MYH15: variants seen among roughly 807,000 people sequenced by gnomAD.
MYH15 encodes myosin heavy chain 15.
Under a neutral mutation model 240.5 loss-of-function variants are expected in MYH15, and 227 were observed. The ratio of observed to expected loss-of-function variants is 0.94; its 90% CI spans 0.85 to 1.05. The LOEUF (loss-of-function observed/expected upper bound fraction) is 1.05. Ranked by LOEUF, MYH15 falls within the 50% of genes least tolerant of loss-of-function variation. The probability of loss-of-function intolerance (pLI) is 0.00; values close to 1 mark genes in which losing one functional copy is unlikely to be tolerated. For synonymous variants in MYH15, 785 were observed against 796.7 expected (o/e 0.99, Z 0.25); for missense variants, 2,217 against 2,247.5 (o/e 0.99, Z 0.27).
chr3:108,495,850 A>C lies in MYH15; in HGVS notation c.641T>G (p.Met214Arg). The change falls in exon 7 of 41, where the codon ATG becomes AGG. Residue 214 changes from methionine to arginine, a missense_variant. Physicochemically the swap from Met to Arg is moderately conservative, Grantham distance 91. Transcript: ENST00000693548. ...KKQGALEDQI[M>R]QANTILEAFG... Reference sequence around the variant, plus strand: ...TGCTTCCAAGATAGTATTCGCTTGCATGATTTGATCTTCTAACGCCCCCTG... The same window carrying C: ...TGCTTCCAAGATAGTATTCGCTTGCCTGATTTGATCTTCTAACGCCCCCTG... 3.1e-6 allele frequency: 5 copies of C among 1,611,530 alleles called. No individual in the cohort carries two copies. Among genetic ancestry groups the C allele is most frequent in the Non-Finnish European group, 4.2e-6 (5 of 1,178,952 alleles).
chr3:108,395,223 T>C (rs2082451011), intron 35 of MYH15, among the ~76,000 whole-genome samples: 1 of 152,106 alleles, frequency 6.6e-6, no homozygotes, highest in South Asian at 2.1e-4. Flanking sequence ...GAACCGAGAT[T>C]GCACCATTGC....
chr3:108,387,777 T>C (rs1271119511), intron 38 of MYH15, among the ~76,000 whole-genome samples: 8 of 152,222 alleles, frequency 5.3e-5, no homozygotes, highest in Non-Finnish European at 1.0e-4. Context: ...ATACCTAGCA[T>C]GGTCTAAAGA....
chr3:108,465,240 GAAC>G (rs1451583996), intron 14 of MYH15, among the ~76,000 whole-genome samples: 2 of 152,198 alleles, frequency 1.3e-5, no homozygotes, highest in Non-Finnish European at 2.9e-5. Flanking sequence ...TCCTGAATGA[GAAC>G]AACAAGCTGA....
At chr3:108,430,252 A>G (rs1019348673) in intron 26 of MYH15, among the ~76,000 whole-genome samples, 7 of 152,220 alleles carry the variant, frequency 4.6e-5, no homozygotes, top group Non-Finnish European at 8.8e-5. Context: ...TCAAAGGGAA[A>G]TTATCCATCT....
chr3:108,486,525 G>A lies in MYH15; in HGVS notation c.873C>T (p.Asp291=). ...AGGGATTTGCAGATACCAGGAGCAG[G>A]TCTAGAGTGGGAAAACGATTCGTTA... ...QILSGQKELH[D]LLLVSANPSD... Residue 291 remains aspartate (D), a splice_region_variant and synonymous_variant, in exon 10 of 41, where the codon GAC becomes GAT. Transcript: ENST00000693548. The A allele has an allele frequency of 6.2e-7, 1 of 1,600,104 alleles. No homozygotes were observed. Among genetic ancestry groups the A allele is most frequent in the Non-Finnish European group, 8.6e-7 (1 of 1,169,244 alleles).
chr3:108,460,178 C>T (rs1323750255), intron 17 of MYH15, 122 bp downstream of exon 17: 1 of 869,220 alleles, frequency 1.2e-6, no homozygotes, highest in African/African-American at 1.7e-5. Context: ...TAAACTTCAA[C>T]TTTTCCAACT....
chr3:108,514,474 C>T (rs558512909), upstream of MYH15, among the ~76,000 whole-genome samples: 2 of 152,118 alleles, frequency 1.3e-5, no homozygotes, highest in Non-Finnish European at 2.9e-5. Flanking sequence ...TATGTATTGC[C>T]CATCTGTAAT....
At chr3:108,470,346 A>T (rs532402429) in intron 13 of MYH15, 134 bp from the exon 14 acceptor site, 1 of 592,692 alleles carries the variant, frequency 1.7e-6, no homozygotes. Flanking sequence ...ACAAATGCTC[A>T]ATTAACTTAA....
At chr3:108,450,000 A>T (rs1340423878) in intron 21 of MYH15, among the ~76,000 whole-genome samples, 1 of 152,152 alleles carries the variant, frequency 6.6e-6, no homozygotes, top group Non-Finnish European at 1.5e-5. Flanking sequence ...ATACAAATCA[A>T]AACCACAATG....
intron 11 of MYH15, 44 bp from the exon 12 acceptor site, chr3:108,476,559 C>T (rs3996003): frequency 0.26 from 336,621 of 1,272,504 alleles, 48,664 homozygotes; most frequent in Non-Finnish European, 0.3. Context: ...GAGGAAAACA[C>T]TGTTAAGATT....
intron 1 of MYH15, among the ~76,000 whole-genome samples, chr3:108,507,325 C>T (rs945645910): frequency 2.1e-5 from 3 of 140,310 alleles, no homozygotes; most frequent in Admixed American, 7.2e-5. Flanking sequence ...GTCCCCAGGT[C>T]ACAGCTACTC....
chr3:108,402,715 A>G (rs1228640488), intron 33 of MYH15, among the ~76,000 whole-genome samples: 1 of 152,212 alleles, frequency 6.6e-6, no homozygotes, highest in Non-Finnish European at 1.5e-5. Flanking sequence ...GCTCAGAAAG[A>G]CCATGGCTGT....
intron 15 of MYH15, 57 bp from the exon 16 acceptor site, chr3:108,463,300 A>T: frequency 6.5e-7 from 1 of 1,542,792 alleles, no homozygotes; most frequent in African/African-American, 1.4e-5. Flanking sequence ...ATAAGTTAAC[A>T]TGGAAGGCTG....
Position 108,430,844 on chromosome 3 carries a change from A to T in MYH15, c.3300T>A (p.Val1100=). The change falls in exon 26 of 41, where the codon GTT becomes GTA. Residue 1100 remains valine (V), a synonymous_variant. Coordinates refer to ENST00000693548, the MANE Select transcript of MYH15 (RefSeq NM_014981.3). ...GATAATTGATTACCTGAAGCTCTTT[A>T]ACCGTCTTCTGAAGCTGAGCTACCA... The part of the protein sequence containing the change: ...KGLVAQLQKT[V]KELQTQIKDL... 1 of 1,611,310 alleles carries T rather than the reference A, an allele frequency of 6.2e-7. No homozygotes were observed. The highest frequency in any genetic ancestry group is 8.5e-7 in the Non-Finnish European group (1 of 1,179,014).
chr3:108,431,374 G>C (rs58249775), intron 25 of MYH15, among the ~76,000 whole-genome samples: 23,307 of 152,184 alleles, frequency 0.15, 1,992 homozygotes, highest in South Asian at 0.26. Context: ...ATGGGGGCAA[G>C]TCTTTGCTGT....
intron 14 of MYH15, among the ~76,000 whole-genome samples, chr3:108,466,487 C>T (rs1241752350): frequency 6.6e-6 from 1 of 152,102 alleles, no homozygotes; most frequent in Non-Finnish European, 1.5e-5. Flanking sequence ...ATTATGTGTG[C>T]CTTGACATCT....
intron 26 of MYH15, among the ~76,000 whole-genome samples, chr3:108,429,649 A>T (rs985128900): frequency 3.3e-5 from 5 of 152,244 alleles, no homozygotes; most frequent in Non-Finnish European, 5.9e-5. Flanking sequence ...CACCTTAAGT[A>T]ATTAGGCATA....
intron 33 of MYH15, among the ~76,000 whole-genome samples, chr3:108,403,310 C>T (rs1343421244): frequency 6.6e-6 from 1 of 151,310 alleles, no homozygotes; most frequent in African/African-American, 2.4e-5. Context: ...GTCTCTTTCT[C>T]TTGCTTTCCT....
chr3:108,440,686 C>T (rs1236983702), intron 23 of MYH15, among the ~76,000 whole-genome samples: 2 of 110,224 alleles, frequency 1.8e-5, no homozygotes, highest in Non-Finnish European at 3.9e-5. Flanking sequence ...TATCATGCTC[C>T]CTCTCCTTCC....
Sources: allele counts gnomAD v4.1 joint callset (sites outside exome capture counted in the v4.1 genomes callset), GRCh38; gene constraint gnomAD v4.1.1; transcripts MANE v1.5; gene names NCBI Gene and HGNC (gene_info 2026-07-23, HGNC 2026-07-21).